Variants in IQSEC1 observed in about 807,000 individuals in gnomAD.
IQSEC1 encodes the protein IQ motif and SEC7 domain-containing protein 1.
A neutral mutation model predicts 91.0 loss-of-function variants in IQSEC1; 31 were observed. The ratio of observed to expected loss-of-function variants is 0.34; its 90% CI spans 0.26 to 0.46. IQSEC1 has a LOEUF of 0.46. Ranked by LOEUF, IQSEC1 falls within the 20% of genes least tolerant of loss-of-function variation. The pLI is 1.00. For missense variants in IQSEC1, 1,388 were observed against 1,575.6 expected, an observed-to-expected ratio of 0.88 and a Z score of 2.02; for synonymous variants, 699 against 662.6, an observed-to-expected ratio of 1.05 and a Z score of -0.84.
intron 2 of IQSEC1, among the ~76,000 whole-genome samples, chr3:13,113,249 C>T (rs1706279821): frequency 6.6e-6 from 1 of 152,196 alleles, no homozygotes; most frequent in African/African-American, 2.4e-5. Flanking sequence ...AAAAAAAGTG[C>T]TAGTCAGGAA....
intron 1 of IQSEC1, among the ~76,000 whole-genome samples, chr3:12,986,564 C>T (rs1374205700): frequency 6.6e-6 from 1 of 152,248 alleles, no homozygotes; most frequent in Non-Finnish European, 1.5e-5. Flanking sequence ...CGCACTCATT[C>T]CCTTCCCCTC....
rs550674887 is a variant in IQSEC1, at chr3:12,937,854, C to T, written c.319-1157G>A. On this transcript the variant is annotated intron_variant, in intron 2 of 13. Coordinates refer to ENST00000613206, the MANE Select transcript of IQSEC1 (RefSeq NM_001134382.3). ...CACATACTCAAGAGGCCTTCAGGCT[C>T]TGGAGCTGGCTTTCCCTCATGAGCA... Among the ~76,000 whole-genome samples the T allele has an allele frequency of 2.2e-3, 330 of 152,342 alleles. 1 individual carries two copies. The highest frequency in any genetic ancestry group is 8.1e-3 in the South Asian group (39 of 4,828).
At chr3:12,939,468 C>T (rs1466148277) in intron 2 of IQSEC1, among the ~76,000 whole-genome samples, 1 of 152,204 alleles carries the variant, frequency 6.6e-6, no homozygotes, top group African/African-American at 2.4e-5. Flanking sequence ...CCCTTGGGCT[C>T]CTTTCACTAA....
chr3:13,274,720 C>A (rs1695647558), intron 1 of IQSEC1, among the ~76,000 whole-genome samples: 1 of 152,216 alleles, frequency 6.6e-6, no homozygotes, highest in Non-Finnish European at 1.5e-5. Flanking sequence ...GAACACCCGG[C>A]ACTGGCTGCT....
chr3:13,188,924 T>G (rs1693976069), intron 1 of IQSEC1, among the ~76,000 whole-genome samples: 1 of 152,216 alleles, frequency 6.6e-6, no homozygotes, highest in Non-Finnish European at 1.5e-5. Context: ...AGTGGGCCCT[T>G]AAGTCCATTT....
chr3:13,014,125 G>A (rs983606105), intron 1 of IQSEC1, among the ~76,000 whole-genome samples: 2 of 152,190 alleles, frequency 1.3e-5, no homozygotes, highest in Non-Finnish European at 2.9e-5. Flanking sequence ...GCTCTGAGCT[G>A]TAACCCCTGA....
At chr3:13,123,508 A>C (rs981314636) in intron 2 of IQSEC1, among the ~76,000 whole-genome samples, 2 of 152,194 alleles carry the variant, frequency 1.3e-5, no homozygotes, top group African/African-American at 4.8e-5. Flanking sequence ...TTTGGTCTCC[A>C]AGTCCAAATG....
At chr3:12,998,627 AT>A (rs869185622) in intron 1 of IQSEC1, among the ~76,000 whole-genome samples, 9 of 152,148 alleles carry the variant, frequency 5.9e-5, no homozygotes, top group Non-Finnish European at 1.0e-4. Context: ...TCTTAAAAAA[AT>A]TTTTTTTAAA....
chr3:13,022,090 T>TC, intron 1 of IQSEC1: 1 of 1,231,328 alleles, frequency 8.1e-7, no homozygotes. Context: ...GGCACTGCCA[T>TC]ACCCCTTCAT....
At position 12,983,348 on chromosome 3, in the gene IQSEC1, G is replaced by A. The variant is rs1470599578; in HGVS notation, c.24-41483C>T. On this transcript the variant is annotated intron_variant, in intron 1 of 13. Transcript: ENST00000613206. The surrounding 1 kb of genome is among the most constrained non-coding windows in gnomAD (Gnocchi z 4.3). The stretch of plus-strand genomic sequence containing the variant: ...CGGAGGGGATGAAAGGTGGCGTGGT[G>A]ACAACTGCAGTCTGGGTGCTGGCTT... Among the ~76,000 whole-genome samples, 2 of 152,190 alleles carry A rather than the reference G, an allele frequency of 1.3e-5. No homozygotes were observed. The highest frequency in any genetic ancestry group is 4.8e-5 in the African/African-American group (2 of 41,438).
At chr3:12,947,198 A>T (rs1299527964) in intron 1 of IQSEC1, among the ~76,000 whole-genome samples, 2 of 152,230 alleles carry the variant, frequency 1.3e-5, no homozygotes. Context: ...TTTCTCCTGC[A>T]GGCAGAACTA....
intron 1 of IQSEC1, among the ~76,000 whole-genome samples, chr3:13,051,693 C>T (rs1371029709): frequency 6.6e-6 from 1 of 152,208 alleles, no homozygotes; most frequent in East Asian, 1.9e-4. Flanking sequence ...GAAGCTCAGG[C>T]CTCAGGCTCA....
chr3:13,263,435 G>GTAAAAAGTACCTGACACTTTTTTTTTTT (rs1559288981), intron 1 of IQSEC1, among the ~76,000 whole-genome samples: 1 of 130,350 alleles, frequency 7.7e-6, no homozygotes, highest in Non-Finnish European at 1.7e-5. Flanking sequence ...TTTGGGGGGG[G>GTAAAAAGTACCTGACACTTTTTTTTTTT]GGGGAAAGTA....
At chr3:12,905,994 T>C (rs1694937558) in intron 12 of IQSEC1, among the ~76,000 whole-genome samples, 1 of 152,138 alleles carries the variant, frequency 6.6e-6, no homozygotes, top group Non-Finnish European at 1.5e-5. Context: ...CGCCAGGCAA[T>C]GCACTGCAGT....
rs1374622124 is a variant in IQSEC1 at position 13,082,266 on chromosome 3, G to A, written c.303-34744C>T. The stretch of plus-strand genomic sequence containing the variant: ...GTGCAGGTGCTAATCACAGCAAATG[G>A]CTGCCGAGTGCTTATCATCACCCTG... On this transcript the variant is annotated intron_variant, in intron 2 of 15. Transcript: ENST00000648114. Among the ~76,000 whole-genome samples, 4 of 152,330 alleles carry A rather than the reference G, an allele frequency of 2.6e-5. No individual in the cohort carries two copies. In the South Asian group the frequency reaches 8.3e-4, roughly 32 times the overall value.
intron 1 of IQSEC1, among the ~76,000 whole-genome samples, chr3:13,004,095 T>G (rs778533020): frequency 2.0e-5 from 3 of 152,174 alleles, no homozygotes; most frequent in African/African-American, 7.2e-5. Flanking sequence ...ATTTAAAAAA[T>G]TATTGTTGGG....
intron 1 of IQSEC1, among the ~76,000 whole-genome samples, chr3:12,947,874 G>C (rs938321848): frequency 6.6e-6 from 1 of 152,238 alleles, no homozygotes; most frequent in Middle Eastern, 3.2e-3. Context: ...TGATGGAAGT[G>C]GTATGTGGTG....
chr3:12,966,724 CCA>C (rs975934442), intron 1 of IQSEC1, among the ~76,000 whole-genome samples: 3 of 152,206 alleles, frequency 2.0e-5, no homozygotes, highest in African/African-American at 7.2e-5. Context: ...CAAACAGCAG[CCA>C]CACACCCCAG....
rs140708681 is a variant in IQSEC1 at position 12,932,249 on chromosome 3, G to A, written c.1568+3199C>T. On this transcript the variant is annotated intron_variant, in intron 3 of 13. Transcript: ENST00000613206. The stretch of plus-strand genomic sequence containing the variant: ...CTGCCCCAGCTCCATGTGCTGCAGG[G>A]CTGCATGGCGTCCCACAGATGGTGT... 3.3e-3 allele frequency among the ~76,000 whole-genome samples: 499 copies of A among 152,334 alleles called. 9 individuals carry two copies. The highest frequency in any genetic ancestry group is 0.024 in the Admixed American group (363 of 15,312).
Sources: gnomAD v4.1 joint callset for allele counts (sites outside exome capture counted in the v4.1 genomes callset) on GRCh38, gnomAD v4.1.1 for gene constraint, Gnocchi (gnomAD v3.1) non-coding constraint, MANE v1.5 for transcripts, NCBI Gene and HGNC (gene_info 2026-07-23, HGNC 2026-07-21) for gene names.